CCDC192: variants seen among roughly 807,000 people sequenced by gnomAD.
CCDC192 encodes the protein coiled-coil domain containing 192.
At chr5:127,732,403 A>C (rs1311172598) in intron 2 of CCDC192, among the ~76,000 whole-genome samples, 3 of 152,200 alleles carry the variant, frequency 2.0e-5, no homozygotes, top group Non-Finnish European at 4.4e-5. Flanking sequence ...TGGGAATGTA[A>C]ATTAGTTCAA....
intron 5 of CCDC192, among the ~76,000 whole-genome samples, chr5:127,863,591 AG>A (rs140535998): frequency 0.014 from 2,167 of 152,352 alleles, 41 homozygotes; most frequent in African/African-American, 0.05. Context: ...GGTATTGGAC[AG>A]TTTTGCAAGA....
chr5:127,824,586 C>T (rs1749437832), intron 5 of CCDC192, among the ~76,000 whole-genome samples: 1 of 152,176 alleles, frequency 6.6e-6, no homozygotes, highest in Non-Finnish European at 1.5e-5. Flanking sequence ...TGGAATTTCA[C>T]AGACCCAAGG....
chr5:127,778,393 C>A (rs548718262), intron 3 of CCDC192, among the ~76,000 whole-genome samples: 1 of 152,070 alleles, frequency 6.6e-6, no homozygotes, highest in Non-Finnish European at 1.5e-5. Context: ...TTCCTCTATT[C>A]TATCAATGTG....
At chr5:127,708,257 C>T (rs1751082967) in intron 2 of CCDC192, among the ~76,000 whole-genome samples, 1 of 152,072 alleles carries the variant, frequency 6.6e-6, no homozygotes, top group Non-Finnish European at 1.5e-5. Context: ...CTTCTTACAC[C>T]ATGAGCTCCA....
At chr5:127,812,542 C>T (rs1746432563) in intron 5 of CCDC192, among the ~76,000 whole-genome samples, 1 of 152,118 alleles carries the variant, frequency 6.6e-6, no homozygotes, top group South Asian at 2.1e-4. Flanking sequence ...TGTTTAAAAG[C>T]ATATATTTTT....
chr5:127,776,782 C>T (rs1755888945), intron 3 of CCDC192, among the ~76,000 whole-genome samples: 1 of 152,192 alleles, frequency 6.6e-6, no homozygotes, highest in Non-Finnish European at 1.5e-5. Flanking sequence ...AGGTACAGTT[C>T]AGGCTGTGGC....
intron 2 of CCDC192, among the ~76,000 whole-genome samples, chr5:127,742,286 A>T (rs2126842969): frequency 6.6e-6 from 1 of 152,320 alleles, no homozygotes; most frequent in African/African-American, 2.4e-5. Flanking sequence ...CATGCCAACA[A>T]CCTTTTTATA....
Position 127,901,957 on chromosome 5 carries a change from G to A in CCDC192, c.535+26296G>A, listed in dbSNP as rs137912006. 3.3e-3 allele frequency among the ~76,000 whole-genome samples: 497 copies of A among 152,252 alleles called. 2 individuals carry two copies. The highest frequency in any genetic ancestry group is 5.5e-3 in the Non-Finnish European group (376 of 68,022). On this transcript the variant is annotated intron_variant, in intron 6 of 6. Coordinates refer to ENST00000514853, the MANE Select transcript of CCDC192 (RefSeq NM_001317938.2). ...TGTATATAAGACAGTAATTGCTGAG[G>A]AACACAAATCTTTCTTCTAATAATA...
intron 5 of CCDC192, among the ~76,000 whole-genome samples, chr5:127,847,436 A>G (rs922636456): frequency 2.0e-5 from 3 of 152,232 alleles, no homozygotes; most frequent in Non-Finnish European, 4.4e-5. Flanking sequence ...ACTTTATGAC[A>G]GAAGGTGAAA....
intron 5 of CCDC192, among the ~76,000 whole-genome samples, chr5:127,862,848 C>T (rs999461811): frequency 1.2e-4 from 18 of 150,816 alleles, no homozygotes; most frequent in African/African-American, 4.2e-4. Flanking sequence ...AGGCCTGGCT[C>T]TATCTGTCAT....
intron 3 of CCDC192, among the ~76,000 whole-genome samples, chr5:127,781,067 C>A (rs1756188532): frequency 6.6e-6 from 1 of 152,112 alleles, no homozygotes; most frequent in South Asian, 2.1e-4. Flanking sequence ...TTTATCCCAG[C>A]ACCATTTGTT....
chr5:127,907,001 T>C (rs1224648635), intron 6 of CCDC192, among the ~76,000 whole-genome samples: 1 of 152,336 alleles, frequency 6.6e-6, no homozygotes, highest in East Asian at 1.9e-4. Context: ...TAACAATTGA[T>C]ATTTTGAGGG....
chr5:127,939,925 G>A (rs968140024), intron 6 of CCDC192, among the ~76,000 whole-genome samples: 1 of 152,188 alleles, frequency 6.6e-6, no homozygotes, highest in Non-Finnish European at 1.5e-5. Flanking sequence ...AGCTCCATTA[G>A]TGCTGAAATG....
intron 5 of CCDC192, among the ~76,000 whole-genome samples, chr5:127,855,647 T>A (rs1392528736): frequency 2.0e-5 from 3 of 152,216 alleles, no homozygotes; most frequent in East Asian, 1.9e-4. Context: ...GAAGCTATAG[T>A]CTGACAAAAT....
intron 6 of CCDC192, among the ~76,000 whole-genome samples, chr5:127,933,670 G>T (rs891034771): frequency 6.6e-6 from 1 of 152,156 alleles, no homozygotes; most frequent in South Asian, 2.1e-4. Context: ...GAGTACTAGG[G>T]TCTGAATGTT....
At chr5:127,794,953 C>G (rs1347929013) in intron 3 of CCDC192, among the ~76,000 whole-genome samples, 3 of 152,088 alleles carry the variant, frequency 2.0e-5, no homozygotes, top group Non-Finnish European at 4.4e-5. Context: ...GGGTATGCAG[C>G]TCATAAAGAT....
intron 6 of CCDC192, among the ~76,000 whole-genome samples, chr5:127,933,348 C>T (rs1754099697): frequency 6.6e-6 from 1 of 152,066 alleles, no homozygotes; most frequent in Non-Finnish European, 1.5e-5. Context: ...GCAGGGTGAC[C>T]AGAGAAGAAG....
chr5:127,928,835 G>C lies in CCDC192; in HGVS notation c.536-12347G>C, dbSNP rs570327241. Among the ~76,000 whole-genome samples the C allele has an allele frequency of 4.6e-5, 7 of 151,822 alleles. No individual in the cohort carries two copies. In the East Asian group the frequency reaches 1.4e-3, roughly 29 times the overall value. ...GGCTGGAGTGCAGTGGCATGATCTT[G>C]GCTCACTGCAACCTCTGCCTCCCAG... is the stretch of plus-strand genomic sequence containing the variant. On this transcript the variant is annotated intron_variant, in intron 6 of 6. Transcript: ENST00000514853.
Position 127,881,225 on chromosome 5 carries a change from G to A in CCDC192, c.535+5564G>A, listed in dbSNP as rs531179158. 2.6e-5 allele frequency among the ~76,000 whole-genome samples: 4 copies of A among 152,194 alleles called. No homozygotes were observed. In the South Asian group the frequency reaches 8.3e-4, roughly 32 times the overall value. On this transcript the variant is annotated intron_variant, in intron 6 of 6. Coordinates refer to ENST00000514853, the MANE Select transcript of CCDC192 (RefSeq NM_001317938.2). ...TCTAGCCTTCAGTAAGTGATACATGGTCACCTACTCTGAAGGCTTGCTTTG... is the reference window on the plus strand; with the variant it reads ...TCTAGCCTTCAGTAAGTGATACATGATCACCTACTCTGAAGGCTTGCTTTG...
Sources: gnomAD v4.1 joint callset for allele counts (sites outside exome capture counted in the v4.1 genomes callset) on GRCh38, gnomAD v4.1.1 for gene constraint, MANE v1.5 for transcripts, NCBI Gene and HGNC (gene_info 2026-07-23, HGNC 2026-07-21) for gene names.